NR2F1-AS1: variants seen among roughly 807,000 people sequenced by gnomAD.
The protein encoded by NR2F1-AS1 is NR2F1 antisense RNA 1.
At chr5:93,500,465 A>C (rs1751055622) in intron 4 of NR2F1-AS1, among the ~76,000 whole-genome samples, 1 of 151,664 alleles carries the variant, frequency 6.6e-6, no homozygotes, top group African/African-American at 2.4e-5. Context: ...CCCATTGCTC[A>C]GGGGAAAAAA....
At chr5:93,455,841 A>AGG (rs200238365) in intron 4 of NR2F1-AS1, among the ~76,000 whole-genome samples, 2 of 143,998 alleles carry the variant, frequency 1.4e-5, no homozygotes, top group African/African-American at 5.5e-5. Flanking sequence ...CTACACACAC[A>AGG]CGCACACACA....
At chr5:93,513,114 T>G (rs1751334875) in intron 4 of NR2F1-AS1, among the ~76,000 whole-genome samples, 1 of 152,162 alleles carries the variant, frequency 6.6e-6, no homozygotes, top group Non-Finnish European at 1.5e-5. Flanking sequence ...CACAGTGAGA[T>G]GCCATCTCAT....
At chr5:93,520,533 G>A (rs1312227958) in intron 4 of NR2F1-AS1, among the ~76,000 whole-genome samples, 2 of 152,012 alleles carry the variant, frequency 1.3e-5, no homozygotes, top group African/African-American at 4.8e-5. Context: ...ACTGAATGAA[G>A]AATGACTTTA....
At chr5:93,411,283 T>C (rs919062907) in intron 4 of NR2F1-AS1, 1 of 152,272 alleles carries the variant, frequency 6.6e-6, no homozygotes, top group Non-Finnish European at 1.5e-5. Context: ...CTAGCTTCGA[T>C]CTTTTCTGAT....
intron 4 of NR2F1-AS1, among the ~76,000 whole-genome samples, chr5:93,456,119 G>C (rs1749942588): frequency 6.6e-6 from 1 of 152,096 alleles, no homozygotes; most frequent in Non-Finnish European, 1.5e-5. Context: ...GATTGGAAAG[G>C]AAATAATAAA....
intron 4 of NR2F1-AS1, among the ~76,000 whole-genome samples, chr5:93,503,293 A>G (rs1334873964): frequency 3.9e-5 from 6 of 152,226 alleles, no homozygotes; most frequent in African/African-American, 1.2e-4. Flanking sequence ...CTGTAAAAAA[A>G]TTGTAAACTG....
At chr5:93,449,892 T>A (rs1477047440) in intron 4 of NR2F1-AS1, among the ~76,000 whole-genome samples, 1 of 152,200 alleles carries the variant, frequency 6.6e-6, no homozygotes, top group Non-Finnish European at 1.5e-5. Context: ...AAAGACCCTA[T>A]GACTTATCCC....
intron 4 of NR2F1-AS1, among the ~76,000 whole-genome samples, chr5:93,510,198 C>A (rs929930386): frequency 1.3e-5 from 2 of 152,022 alleles, no homozygotes; most frequent in Non-Finnish European, 2.9e-5. Context: ...CTTTCTAGTA[C>A]CAGTTTATAT....
intron 4 of NR2F1-AS1, chr5:93,544,955 T>A (rs751218994): frequency 2.7e-5 from 4 of 148,342 alleles, no homozygotes; most frequent in Non-Finnish European, 5.9e-5. Context: ...ATTCTGTAGG[T>A]ACGTCTAATC....
intron 4 of NR2F1-AS1, among the ~76,000 whole-genome samples, chr5:93,515,169 G>T (rs1354071555): frequency 6.6e-6 from 1 of 151,856 alleles, no homozygotes; most frequent in Admixed American, 6.6e-5. Context: ...GATTTTAAGT[G>T]TATGAAGTGA....
At chr5:93,434,524 T>C (rs1247420683) in intron 4 of NR2F1-AS1, among the ~76,000 whole-genome samples, 1 of 152,162 alleles carries the variant, frequency 6.6e-6, no homozygotes, top group African/African-American at 2.4e-5. Flanking sequence ...AAATTGCAGA[T>C]ACCATGTTTC....
chr5:93,562,831 A>C (rs1752524927), intron 2 of NR2F1-AS1, among the ~76,000 whole-genome samples: 1 of 152,236 alleles, frequency 6.6e-6, no homozygotes, highest in Non-Finnish European at 1.5e-5. Context: ...AAAACTCAAT[A>C]AATATGTGTT....
At chr5:93,525,098 T>A (rs1046595788) in intron 4 of NR2F1-AS1, among the ~76,000 whole-genome samples, 2 of 152,126 alleles carry the variant, frequency 1.3e-5, no homozygotes, top group Non-Finnish European at 2.9e-5. Flanking sequence ...ATTGGTGTGC[T>A]GTATTCAGGA....
chr5:93,501,141 G>A (rs1052396981), intron 4 of NR2F1-AS1, among the ~76,000 whole-genome samples: 1 of 152,146 alleles, frequency 6.6e-6, no homozygotes, highest in South Asian at 2.1e-4. Flanking sequence ...AGGGGTTCAA[G>A]ATGTCAGTGG....
At chr5:93,556,439 G>T (rs1416937121) in intron 2 of NR2F1-AS1, among the ~76,000 whole-genome samples, 2 of 152,198 alleles carry the variant, frequency 1.3e-5, no homozygotes, top group South Asian at 2.1e-4. Context: ...AAGAGTTTTC[G>T]AATCTATCTT....
intron 4 of NR2F1-AS1, among the ~76,000 whole-genome samples, chr5:93,538,242 G>A (rs1161229668): frequency 6.6e-6 from 1 of 152,156 alleles, no homozygotes. Context: ...GAAGGTTGAG[G>A]CAGGCAGATC....
intron 4 of NR2F1-AS1, chr5:93,543,048 C>G (rs1751990611): frequency 6.6e-6 from 1 of 152,214 alleles, no homozygotes; most frequent in Non-Finnish European, 1.5e-5. Flanking sequence ...GATTTACTGA[C>G]CAGGTTCTCA....
chr5:93,522,164 T>C (rs73133275), intron 4 of NR2F1-AS1, among the ~76,000 whole-genome samples: 16,119 of 152,050 alleles, frequency 0.11, 966 homozygotes, highest in Middle Eastern at 0.16. Context: ...TGATAACTTA[T>C]GAACACAAAG....
At chr5:93,422,943 G>A (rs952788004) in intron 4 of NR2F1-AS1, among the ~76,000 whole-genome samples, 24 of 152,252 alleles carry the variant, frequency 1.6e-4, no homozygotes, top group Non-Finnish European at 2.6e-4. Context: ...CTACCCCAGC[G>A]GCTGGCAAAA....
Sources: gnomAD v4.1 joint callset for allele counts (sites outside exome capture counted in the v4.1 genomes callset) on GRCh38, gnomAD v4.1.1 for gene constraint, MANE v1.5 for transcripts, NCBI Gene and HGNC (gene_info 2026-07-23, HGNC 2026-07-21) for gene names.